Variants in RIPK1 observed in about 807,000 individuals in gnomAD.
The protein encoded by RIPK1 is receptor interacting serine/threonine kinase 1.
Under a neutral mutation model 62.4 loss-of-function variants are expected in RIPK1, and 27 were observed. The observed-to-expected ratio is 0.43, with a 90% CI of 0.32 to 0.60. The LOEUF (loss-of-function observed/expected upper bound fraction) is 0.60. Among genes scored for constraint, RIPK1 ranks in the 20% least tolerant of loss-of-function variants. RIPK1 has a pLI of 0.07. For missense variants in RIPK1, 735 were observed against 831.0 expected (o/e 0.88, Z 1.42); for synonymous variants, 287 against 303.2 (o/e 0.95, Z 0.55).
intron 5 of RIPK1, among the ~76,000 whole-genome samples, chr6:3,083,748 CTCT>C (rs1212884861): frequency 1.3e-5 from 2 of 152,136 alleles, no homozygotes; most frequent in Non-Finnish European, 2.9e-5. Context: ...GTCCTACATA[CTCT>C]TCTTGGGTGA....
At position 3,076,749 on chromosome 6, in the gene RIPK1, CTGT is replaced by C; in HGVS notation, c.-60-13_-60-11del. 1 of 1,444,268 alleles carries C rather than the reference CTGT, an allele frequency of 6.9e-7. No homozygotes were observed. Among genetic ancestry groups the C allele is most frequent in the Non-Finnish European group, 9.3e-7 (1 of 1,075,638 alleles). The allele number at this position is 1,444,268 out of a possible 1,614,324, so 89.5% of individuals were successfully genotyped here. A position where few individuals can be genotyped will look rare whatever the true frequency, so the allele number is the denominator to read the frequency against. On this transcript the variant is annotated splice_polypyrimidine_tract_variant and intron_variant, in intron 1 of 10. Transcript: ENST00000259808. ...ATAGTCTTGCCCTGAGGTTTTCTCT[CTGT>C]TTTCTTTACAGGGTACAGCTCTGCC...
rs1209909841 is a variant in RIPK1 at position 3,068,519 on chromosome 6, C to T, written c.-203C>T. ...AGTCCACGCCCTCCAGCCGGGCGCGCTCGACGCGGACGGCGGGCCAGCTGC... is the reference window on the plus strand; with the variant it reads ...AGTCCACGCCCTCCAGCCGGGCGCGTTCGACGCGGACGGCGGGCCAGCTGC... On this transcript the variant is annotated 5_prime_UTR_variant, in exon 1 of 11. Coordinates refer to ENST00000259808, the MANE Select transcript of RIPK1 (RefSeq NM_001354930.2). 2.0e-6 allele frequency: 2 copies of T among 985,138 alleles called. No individual in the cohort carries two copies. The highest frequency in any genetic ancestry group is 3.5e-5 in the African/African-American group (2 of 57,220). 61.0% of individuals were successfully genotyped at this position (985,138 alleles called of 1,614,324 possible). A position where few individuals can be genotyped will look rare whatever the true frequency, so the allele number is the denominator to read the frequency against.
At position 3,072,685 on chromosome 6, in the gene RIPK1, C is replaced by G. The variant is rs56190257; in HGVS notation, c.-61+4024C>G. Among the ~76,000 whole-genome samples, 54 of 152,274 alleles carry G rather than the reference C, an allele frequency of 3.5e-4. No individual in the cohort carries two copies. Among genetic ancestry groups the G allele is most frequent in the Non-Finnish European group, 6.3e-4 (43 of 68,030 alleles). ...AAATAATTCTCAATTACAGTACTGT[C>G]TTACCTATGGAAGTGTCTAATGGGA... On this transcript the variant is annotated intron_variant, in intron 1 of 10. Transcript: ENST00000259808. The surrounding 1 kb of genome is among the most constrained non-coding windows in gnomAD (Gnocchi z 5.6).
rs534532539 is a variant in RIPK1 at position 3,069,595 on chromosome 6, C to T, written c.-61+934C>T. ...GTTCCAATGATTAATTCTTCCCTGACTTACACTTGAAGAAGCCAAGGCAGG... is the reference window on the plus strand; with the variant it reads ...GTTCCAATGATTAATTCTTCCCTGATTTACACTTGAAGAAGCCAAGGCAGG... On this transcript the variant is annotated intron_variant, in intron 1 of 10. Coordinates refer to ENST00000259808, the MANE Select transcript of RIPK1 (RefSeq NM_001354930.2). 3.3e-5 allele frequency among the ~76,000 whole-genome samples: 5 copies of T among 152,344 alleles called. No individual in the cohort carries two copies. The South Asian group carries it at 8.3e-4, about 25-fold the overall frequency.
intron 5 of RIPK1, among the ~76,000 whole-genome samples, chr6:3,083,891 C>T (rs1368330043): frequency 3.9e-5 from 6 of 152,226 alleles, no homozygotes; most frequent in African/African-American, 1.2e-4. Context: ...ACCTCCAAAG[C>T]AGCATCCCCC....
At chr6:3,102,751 C>T (rs1023145446) in intron 7 of RIPK1, among the ~76,000 whole-genome samples, 1 of 152,134 alleles carries the variant, frequency 6.6e-6, no homozygotes, top group Non-Finnish European at 1.5e-5. Context: ...CAGGCATACA[C>T]CACCACGCCC....
chr6:3,089,836 T>C (rs1173679250), intron 7 of RIPK1, among the ~76,000 whole-genome samples, 179 bp downstream of exon 7: 1 of 152,204 alleles, frequency 6.6e-6, no homozygotes, highest in East Asian at 1.9e-4. Flanking sequence ...GACCCATTTC[T>C]CCTTCAAAAC....
At chr6:3,103,700 G>A (rs771220813) in intron 7 of RIPK1, among the ~76,000 whole-genome samples, 31 of 151,986 alleles carry the variant, frequency 2.0e-4, no homozygotes, top group Non-Finnish European at 1.5e-5. Flanking sequence ...CCAAGAAATC[G>A]CTGCCAAGTC....
chr6:3,077,815 G>T lies in RIPK1; in HGVS notation c.201G>T (p.Met67Ile), dbSNP rs775650400. ...NEALLEEAKM[M>I]NRLRHSRVVK... ...CCCTCTTGGAGGAGGCGAAGATGAT[G>T]AACAGACTGAGACACAGCCGGGTGG... Residue 67 changes from methionine to isoleucine, a missense_variant, in exon 3 of 11, where the codon ATG becomes ATT. Around this residue, in one of 2 missense-constraint regions of RIPK1, gnomAD observed 671 missense variants for 726.2 expected, o/e 0.92. Coordinates refer to ENST00000259808, the MANE Select transcript of RIPK1 (RefSeq NM_001354930.2). The T allele has an allele frequency of 8.3e-5, 134 of 1,614,108 alleles. No individual in the cohort carries two copies. Among genetic ancestry groups the T allele is most frequent in the Non-Finnish European group, 1.1e-4 (133 of 1,180,044 alleles).
chr6:3,094,849 G>A (rs7341198), intron 7 of RIPK1, among the ~76,000 whole-genome samples: 13,378 of 151,878 alleles, frequency 0.088, 1,794 homozygotes, highest in African/African-American at 0.29. Context: ...ATCGTTTGAG[G>A]CCAGGAGTTT....
chr6:3,086,230 T>A (rs536975135), intron 6 of RIPK1, among the ~76,000 whole-genome samples: 1 of 152,366 alleles, frequency 6.6e-6, no homozygotes, highest in Non-Finnish European at 1.5e-5. Context: ...TCTTAACTGT[T>A]GGGACTAATG....
intron 1 of RIPK1, among the ~76,000 whole-genome samples, chr6:3,076,282 A>G (rs193178221): frequency 1.1e-3 from 167 of 152,334 alleles, no homozygotes; most frequent in African/African-American, 3.8e-3. Flanking sequence ...TCTTAAAAAT[A>G]TGAAAAATAG....
intron 1 of RIPK1, among the ~76,000 whole-genome samples, chr6:3,069,562 A>G (rs189634941): frequency 6.6e-6 from 1 of 152,354 alleles, no homozygotes; most frequent in African/African-American, 2.4e-5. Context: ...TGGGCAAAGC[A>G]GGAGGCTGTT....
upstream of RIPK1, chr6:3,068,323 C>T: frequency 2.0e-6 from 2 of 985,458 alleles, no homozygotes; most frequent in South Asian, 4.7e-5. Flanking sequence ...TCGGTTTCCT[C>T]TTTTACGTAG....
chr6:3,076,541 C>T lies in RIPK1; in HGVS notation c.-60-223C>T, dbSNP rs146819749. On this transcript the variant is annotated intron_variant, in intron 1 of 10. Coordinates refer to ENST00000259808, the MANE Select transcript of RIPK1 (RefSeq NM_001354930.2). Reference sequence around the variant, plus strand: ...AAATAATTAAAAAATCAGCTGGTCACGGTGGGGTGCACCTGTGGTCCCAGC... The same window carrying T: ...AAATAATTAAAAAATCAGCTGGTCATGGTGGGGTGCACCTGTGGTCCCAGC... Among the ~76,000 whole-genome samples the T allele has an allele frequency of 4.3e-4, 65 of 151,304 alleles. 1 individual carries two copies. The highest frequency in any genetic ancestry group is 2.5e-3 in the East Asian group (13 of 5,110).
At chr6:3,099,762 C>T (rs1428888903) in intron 7 of RIPK1, among the ~76,000 whole-genome samples, 2 of 152,136 alleles carry the variant, frequency 1.3e-5, no homozygotes, top group Non-Finnish European at 2.9e-5. Flanking sequence ...AACAAGCAGT[C>T]TTCTGCAGTG....
chr6:3,077,695 T>G, intron 2 of RIPK1, 84 bp from the exon 3 acceptor site: 2 of 1,440,274 alleles, frequency 1.4e-6, no homozygotes, highest in Non-Finnish European at 1.9e-6. Context: ...CCCCAGCACG[T>G]GGGAGTGATG....
chr6:3,076,624 G>A (rs1386987400), intron 1 of RIPK1, 140 bp from the exon 2 acceptor site: 1 of 172,188 alleles, frequency 5.8e-6, no homozygotes, highest in Non-Finnish European at 1.2e-5. Context: ...AGGCTCCAGT[G>A]AGCTATGATT....
chr6:3,077,131 G>A (rs1236923455), intron 2 of RIPK1, 144 bp downstream of exon 2: 10 of 686,022 alleles, frequency 1.5e-5, no homozygotes, highest in East Asian at 2.9e-5. Context: ...ATGGCTCTTC[G>A]GATTGTTATT....
Sources: gnomAD v4.1 joint callset for allele counts (sites outside exome capture counted in the v4.1 genomes callset) on GRCh38, gnomAD v4.1.1 for gene constraint, gnomAD v4.1.1 regional missense constraint, Gnocchi (gnomAD v3.1) non-coding constraint, MANE v1.5 for transcripts, NCBI Gene and HGNC (gene_info 2026-07-23, HGNC 2026-07-21) for gene names.